The following CIC variants were observed in gnomAD, a reference collection of about 807,000 sequenced individuals.
The protein encoded by CIC is capicua transcriptional repressor.
In CIC, 18 loss-of-function variants were observed where a neutral mutation model predicts 115.7. The ratio of observed to expected loss-of-function variants is 0.16; its 90% confidence interval spans 0.11 to 0.23. The LOEUF is 0.23. Among genes scored for constraint, CIC ranks in the 10% least tolerant of loss-of-function variants. The pLI is 1.00. For synonymous variants in CIC, 1,076 were observed against 923.0 expected (o/e 1.17, Z -3.01); for missense variants, 2,000 against 2,159.3 (o/e 0.93, Z 1.46).
At chr19:42,291,809 C>G (rs552745987) in intron 12 of CIC, 64 bp downstream of exon 12, 16 of 1,588,960 alleles carry the variant, frequency 1.0e-5, no homozygotes, top group Non-Finnish European at 1.3e-5. Flanking sequence ...ATTTCTTTGT[C>G]TTTTTTTTCA....
intron 2 of CIC, among the ~76,000 whole-genome samples, chr19:42,278,271 C>A (rs188302712): frequency 3.3e-4 from 50 of 152,368 alleles, no homozygotes; most frequent in African/African-American, 1.0e-3. Context: ...GGCCAGATGT[C>A]TCAGCCCCAT....
Position 42,272,039 on chromosome 19 carries a change from G to C in CIC, c.256G>C (p.Ala86Pro), listed in dbSNP as rs2036810418. 1 of 398,860 alleles carries C rather than the reference G, an allele frequency of 2.5e-6. No homozygotes were observed. The highest frequency in any genetic ancestry group is 3.6e-5 in the East Asian group (1 of 28,082). 24.7% of individuals were successfully genotyped at this position (398,860 alleles called of 1,614,324 possible). A position where few individuals can be genotyped will look rare whatever the true frequency, so the allele number is the denominator to read the frequency against. ...PPLELHPGDP[A>P]PGPAEDPKGD... ...ACTGGAGCTGCACCCTGGCGACCCG[G>C]CTCCAGGCCCAGCAGAGGACCCCAA... Residue 86 changes from alanine (A) to proline (P), a missense_variant, in exon 2 of 21, where the codon GCT becomes CCT. Around this residue, in one of 8 missense-constraint regions of CIC, gnomAD observed 222 missense variants for 247.7 expected, o/e 0.90. Transcript: ENST00000681038.
intron 2 of CIC, among the ~76,000 whole-genome samples, chr19:42,282,517 C>T (rs2037303117): frequency 6.6e-6 from 1 of 152,232 alleles, no homozygotes; most frequent in African/African-American, 2.4e-5. Flanking sequence ...CACATCCTTG[C>T]CTGTGTCTTT....
In CIC at chr19:42,287,306, C is replaced by T. The variant is rs771041360; in HGVS notation, c.3180-14C>T. On this transcript the variant is annotated splice_polypyrimidine_tract_variant and intron_variant, in intron 4 of 20. Transcript: ENST00000681038. This position sits in a 1 kb window ranked among gnomAD's most constrained non-coding sequence, Gnocchi z 8.7. ...AGAGACATGGCCCTCACTGTCCCTG[C>T]TGCCCCGCCGCAGCTTCCTCTCCAT... The T allele has an allele frequency of 6.2e-7, 1 of 1,614,106 alleles. No homozygotes were observed. Among genetic ancestry groups the T allele is most frequent in the Admixed American group, 1.7e-5 (1 of 60,024 alleles).
Position 42,294,867 on chromosome 19 carries a change from T to C in CIC, c.7230T>C (p.Phe2410=), listed in dbSNP as rs1568530392. ...AAFQARYADI[F]PSKVCLQLKI... is the part of the protein sequence containing the mutation. Reference sequence around the variant, plus strand: ...TCCAGGCCCGCTATGCAGACATCTTTCCCTCCAAGGTTTGTCTGCAGTTGA... The same window carrying C: ...TCCAGGCCCGCTATGCAGACATCTTCCCCTCCAAGGTTTGTCTGCAGTTGA... The change falls in exon 21 of 21, where the codon TTT becomes TTC. Residue 2410 remains phenylalanine (F), a synonymous_variant. Coordinates refer to ENST00000681038, the MANE Select transcript of CIC (RefSeq NM_001386298.1). 6.2e-7 allele frequency: 1 copy of C among 1,600,882 alleles called. No individual in the cohort carries two copies. The highest frequency in any genetic ancestry group is 2.2e-5 in the East Asian group (1 of 44,876).
In CIC at chr19:42,294,753, T is replaced by A. The variant is rs1436761785; in HGVS notation, c.7186+18T>A. ...CCCGTCAGGTGAGCCTGTCTCGGAG[T>A]CTTGGGGTCACTCGGGTGGGACTTA... On this transcript the variant is annotated intron_variant, in intron 20 of 20. Transcript: ENST00000681038. 1 of 1,612,218 alleles carries A rather than the reference T, an allele frequency of 6.2e-7. No individual in the cohort carries two copies. Among genetic ancestry groups the A allele is most frequent in the East Asian group, 2.2e-5 (1 of 44,874 alleles).
Position 42,292,635 on chromosome 19 carries a change from C to T in CIC, c.5972C>T (p.Pro1991Leu). 1 of 1,613,736 alleles carries T rather than the reference C, an allele frequency of 6.2e-7. No individual in the cohort carries two copies. The highest frequency in any genetic ancestry group is 8.5e-7 in the Non-Finnish European group (1 of 1,179,964). The change falls in exon 15 of 21, where the codon CCT becomes CTT. Residue 1991 changes from proline to leucine, a missense_variant. By Grantham distance (98) the Pro-to-Leu change is moderately conservative. Around this residue, in one of 8 missense-constraint regions of CIC, gnomAD observed 1,466 missense variants for 1,390.4 expected, o/e 1.05. Transcript: ENST00000681038. ...CCTGTGCCCAGTCCCCAGCTGCCGC[C>T]TGCCTGTGCAGCCCCCGGAGGTCCT... is the stretch of plus-strand genomic sequence containing the variant. ...VSPVPSPQLP[P>L]ACAAPGGPVI...
chr19:42,283,643 G>A (rs1367378983), intron 2 of CIC, among the ~76,000 whole-genome samples: 1 of 152,138 alleles, frequency 6.6e-6, no homozygotes, highest in East Asian at 1.9e-4. Flanking sequence ...GGCCAGGCGC[G>A]CCCAGGCGGG....
At chr19:42,292,903 AG>A in intron 15 of CIC, 44 bp downstream of exon 15, 1 of 1,613,930 alleles carries the variant, frequency 6.2e-7, no homozygotes, top group East Asian at 2.2e-5. Flanking sequence ...TGGGGGACCC[AG>A]GGGATGGGCT....
rs1457234518 is a variant in CIC, at chr19:42,292,327, G to A, written c.5763G>A (p.Gly1921=). The A allele has an allele frequency of 6.2e-7, 1 of 1,613,126 alleles. No homozygotes were observed. The highest frequency in any genetic ancestry group is 1.3e-5 in the African/African-American group (1 of 75,044). The change falls in exon 14 of 21, where the codon GGG becomes GGA. Residue 1921 remains glycine, a synonymous_variant. Coordinates refer to ENST00000681038, the MANE Select transcript of CIC (RefSeq NM_001386298.1). ...TCACCTATGTGCAGTCAGCGGGCGG[G>A]CACGCGCTGCCCCTGGGTACCAGCC... is the stretch of plus-strand genomic sequence containing the variant. The part of the protein sequence containing the change: ...TRITYVQSAG[G]HALPLGTSPA...
At chr19:42,279,092 A>C (rs1039532223) in intron 2 of CIC, among the ~76,000 whole-genome samples, 2 of 152,160 alleles carry the variant, frequency 1.3e-5, no homozygotes, top group Admixed American at 6.5e-5. Context: ...AGTGCACCCC[A>C]ATGGGTAGGG....
chr19:42,292,368 C>T lies in CIC; in HGVS notation c.5804C>T (p.Ala1935Val), dbSNP rs1331278165. Residue 1935 changes from alanine (A) to valine (V), a missense_variant, in exon 14 of 21, where the codon GCT (alanine) becomes GTT (valine). Physicochemically the swap from Ala to Val is moderately conservative, Grantham distance 64 (BLOSUM62 0). Around this residue, in one of 8 missense-constraint regions of CIC, gnomAD observed 1,466 missense variants for 1,390.4 expected, o/e 1.05. Coordinates refer to ENST00000681038, the MANE Select transcript of CIC (RefSeq NM_001386298.1). ...GGTACCAGCCCTGCGTCCAGCCAGG[C>T]TGGAACAGTCACCTCGTACGGGCCC... The part of the protein sequence containing the change: ...PLGTSPASSQ[A>V]GTVTSYGPTS... The T allele has an allele frequency of 1.2e-6, 2 of 1,612,984 alleles. No homozygotes were observed. Among genetic ancestry groups the T allele is most frequent in the African/African-American group, 1.3e-5 (1 of 75,060 alleles).
intron 2 of CIC, among the ~76,000 whole-genome samples, chr19:42,275,961 A>G (rs1189243409): frequency 1.3e-5 from 2 of 152,148 alleles, no homozygotes; most frequent in Non-Finnish European, 2.9e-5. Flanking sequence ...CTCCCTAGAC[A>G]GTAACAGTCT....
At chr19:42,276,216 A>C (rs1599856387) in intron 2 of CIC, among the ~76,000 whole-genome samples, 1 of 152,248 alleles carries the variant, frequency 6.6e-6, no homozygotes. Context: ...GAATCTGGAA[A>C]GTCAAAGACT....
rs763646546 is a variant in CIC, at chr19:42,288,990, G to A, written c.3761G>A (p.Gly1254Glu). The A allele has an allele frequency of 1.9e-6, 3 of 1,613,948 alleles. No homozygotes were observed. The highest frequency in any genetic ancestry group is 2.2e-5 in the South Asian group (2 of 91,082). Residue 1254 changes from glycine to glutamate, a missense_variant, in exon 8 of 21, where the codon GGG becomes GAG. This residue lies in a region of CIC where 1,466 missense variants were observed against 1,390.4 expected (regional missense o/e 1.05). Coordinates refer to ENST00000681038, the MANE Select transcript of CIC (RefSeq NM_001386298.1). ...GGGGCAGAACGGCTACACACAGTTG[G>A]GGGACCTGGCTCAGCCCGGCCCCGA... ...SCGAERLHTV[G>E]GPGSARPRAF...
At position 42,290,364 on chromosome 19, in the gene CIC, ATCCTCCTCTGCG is replaced by A; in HGVS notation, c.4329_4340del (p.Ser1444_Ser1447del). 2.5e-6 allele frequency: 4 copies of A among 1,613,834 alleles called. No homozygotes were observed. Among genetic ancestry groups the A allele is most frequent in the Non-Finnish European group, 3.4e-6 (4 of 1,179,928 alleles). Reference sequence around the variant, plus strand: ...TTGGCAAAGGCTATGGTTCCGCCCCATCCTCCTCTGCGTCCTCGCCTGCTTCCTCCTCAGCCT... The same window carrying A: ...TTGGCAAAGGCTATGGTTCCGCCCCATCCTCGCCTGCTTCCTCCTCAGCCT... On this transcript the variant is annotated inframe_deletion, in exon 11 of 21. Transcript: ENST00000681038.
Position 42,287,733 on chromosome 19 carries a change from G to C in CIC, c.3492+6G>C, listed in dbSNP as rs766598474. The stretch of plus-strand genomic sequence containing the variant: ...ACCACGACCTGGCCTTCCAGGTAAC[G>C]CTGTTGCCTCTTGGCTCCTCCCAGC... On this transcript the variant is annotated splice_donor_region_variant and intron_variant, in intron 6 of 20. Coordinates refer to ENST00000681038, the MANE Select transcript of CIC (RefSeq NM_001386298.1). The surrounding 1 kb of genome is among the most constrained non-coding windows in gnomAD (Gnocchi z 8.7). 3.1e-6 allele frequency: 5 copies of C among 1,614,172 alleles called. No homozygotes were observed. The highest frequency in any genetic ancestry group is 4.2e-6 in the Non-Finnish European group (5 of 1,180,026).
chr19:42,284,842 TG>T, intron 2 of CIC: 1 of 1,311,852 alleles, frequency 7.6e-7, no homozygotes, highest in Non-Finnish European at 1.1e-6. Flanking sequence ...GTAACGGTGG[TG>T]GGGGTATAGT....
In CIC at chr19:42,290,894, C is replaced by A; in HGVS notation, c.4853C>A (p.Thr1618Asn). The change falls in exon 11 of 21, where the codon ACT becomes AAT. Residue 1618 changes from threonine (T) to asparagine (N), a missense_variant. By Grantham distance (65) the Thr-to-Asn change is moderately conservative. This residue lies in a region of CIC where 1,466 missense variants were observed against 1,390.4 expected (regional missense o/e 1.05). Coordinates refer to ENST00000681038, the MANE Select transcript of CIC (RefSeq NM_001386298.1). ...CCAAATGACACAGCAGGTGCCAGGA[C>A]TGAAATGGGCACTGGGTCTCGGGTG... ...ASPNDTAGAR[T>N]EMGTGSRVPG... 6.2e-7 allele frequency: 1 copy of A among 1,613,420 alleles called. No individual in the cohort carries two copies.
Sources: gnomAD v4.1 joint callset for allele counts (sites outside exome capture counted in the v4.1 genomes callset) on GRCh38, gnomAD v4.1.1 for gene constraint, gnomAD v4.1.1 regional missense constraint, Gnocchi (gnomAD v3.1) non-coding constraint, MANE v1.5 for transcripts, NCBI Gene and HGNC (gene_info 2026-07-23, HGNC 2026-07-21) for gene names.